The following CCDC88A variants were observed in gnomAD, a reference collection of about 807,000 sequenced individuals.
CCDC88A encodes coiled-coil and HOOK domain protein 88A, also known as girdin.
In CCDC88A, 54 loss-of-function variants were observed where a neutral mutation model predicts 234.3. That is an observed-to-expected ratio of 0.23 (90% confidence interval 0.19 to 0.29). The LOEUF (loss-of-function observed/expected upper bound fraction) is 0.29. CCDC88A is among the 10% of genes least tolerant of loss of function. The pLI, the probability that CCDC88A is intolerant of heterozygous loss-of-function variation, is 1.00. For missense variants in CCDC88A, 1,832 were observed against 2,123.4 expected, an observed-to-expected ratio of 0.86 and a Z score of 2.70; for synonymous variants, 753 against 737.8, an observed-to-expected ratio of 1.02 and a Z score of -0.33.
At chr2:55,346,371 T>C in intron 9 of CCDC88A, 38 bp from the exon 10 acceptor site, 2 of 1,177,540 alleles carry the variant, frequency 1.7e-6, no homozygotes, top group East Asian at 2.7e-5. Context: ...AATTATTTTC[T>C]GTTATCAACT....
rs747284825 is a variant in CCDC88A, at chr2:55,339,510, G to T, written c.1472C>A (p.Ser491Tyr). ...TTVDSVEGNA[S>Y]KILKMEKENQ... ...TTCTTTTTCCATTTTCAGGATTTTG[G>T]AAGCATTGCCTTCTACAGAATCCAC... The change falls in exon 13 of 33, where the codon TCC becomes TAC. Residue 491 changes from serine to tyrosine, a missense_variant. Coordinates refer to ENST00000436346, the MANE Select transcript of CCDC88A (RefSeq NM_001365480.1). 2.5e-6 allele frequency: 4 copies of T among 1,598,886 alleles called. No homozygotes were observed. Among genetic ancestry groups the T allele is most frequent in the Non-Finnish European group, 3.4e-6 (4 of 1,175,262 alleles).
chr2:55,293,101 T>A (rs1481785794), intron 31 of CCDC88A, among the ~76,000 whole-genome samples: 1 of 151,990 alleles, frequency 6.6e-6, no homozygotes, highest in African/African-American at 2.4e-5. Context: ...TGTAAAATAA[T>A]CACATAATTT....
intron 2 of CCDC88A, among the ~76,000 whole-genome samples, chr2:55,413,746 G>A (rs1209513001): frequency 1.3e-5 from 2 of 151,934 alleles, no homozygotes; most frequent in African/African-American, 2.4e-5. Context: ...TGGGTGGATC[G>A]CTTGAGACCA....
intron 25 of CCDC88A, among the ~76,000 whole-genome samples, chr2:55,307,311 TAAA>T (rs1468054784): frequency 1.3e-5 from 2 of 152,210 alleles, no homozygotes; most frequent in East Asian, 3.9e-4. Context: ...AAATTTGTAA[TAAA>T]AATTATATCA....
intron 7 of CCDC88A, among the ~76,000 whole-genome samples, chr2:55,360,746 T>G (rs1327837069): frequency 6.6e-6 from 1 of 152,204 alleles, no homozygotes; most frequent in Non-Finnish European, 1.5e-5. Context: ...TTTTTTGAGA[T>G]GTCCAGCCTG....
At chr2:55,303,930 G>C (rs62137094) in intron 25 of CCDC88A, among the ~76,000 whole-genome samples, 1 of 152,064 alleles carries the variant, frequency 6.6e-6, no homozygotes, top group African/African-American at 2.4e-5. Flanking sequence ...AAATAACTTA[G>C]GAAAATGCAC....
intron 2 of CCDC88A, among the ~76,000 whole-genome samples, chr2:55,413,984 GCAAA>G (rs1370987141): frequency 7.4e-5 from 11 of 149,194 alleles, no homozygotes; most frequent in South Asian, 2.1e-4. Flanking sequence ...AAAAAAACAA[GCAAA>G]CAAACAAACA....
Position 55,301,238 on chromosome 2 carries a change from C to CTT in CCDC88A, c.4711_4712insAA (p.Ser1571LysfsTer77). ...TCTTGATCCCGTACTAGAATCATCA[C>CTT]TAACACCTTGTGGACTTATGTCTTC... On this transcript the variant is annotated frameshift_variant, in exon 28 of 33. Coordinates refer to ENST00000436346, the MANE Select transcript of CCDC88A (RefSeq NM_001365480.1). LOFTEE classifies it high-confidence loss of function. 1 of 1,598,492 alleles carries CTT rather than the reference C, an allele frequency of 6.3e-7. No homozygotes were observed. Among genetic ancestry groups the CTT allele is most frequent in the Non-Finnish European group, 8.6e-7 (1 of 1,169,176 alleles).
In CCDC88A at chr2:55,336,759, A is replaced by G; in HGVS notation, c.1578T>C (p.Asn526=). 6.3e-7 allele frequency: 1 copy of G among 1,594,226 alleles called. No individual in the cohort carries two copies. The highest frequency in any genetic ancestry group is 8.6e-7 in the Non-Finnish European group (1 of 1,167,264). The part of the protein sequence containing the change: ...QEKQSLQNCQ[N]LSKDLMKEKA... ...TCTCCTTCATTAGATCCTTGCTTAA[A>G]TTCTGACAATTCTGAAGACTTTGCT... The change falls in exon 14 of 33, where the codon AAT becomes AAC. Residue 526 remains asparagine (N), a synonymous_variant. Transcript: ENST00000436346.
At chr2:55,402,869 CGTG>C (rs1176829002) in intron 2 of CCDC88A, among the ~76,000 whole-genome samples, 1 of 151,914 alleles carries the variant, frequency 6.6e-6, no homozygotes, top group Non-Finnish European at 1.5e-5. Flanking sequence ...ATTAGCCAGG[CGTG>C]GTGGTGGGCA....
In CCDC88A at chr2:55,295,882, G is replaced by A. The variant is rs750461819; in HGVS notation, c.5266C>T (p.Pro1756Ser). Residue 1756 changes from proline to serine, a missense_variant, in exon 31 of 33, where the codon CCT (proline) becomes TCT (serine). Physicochemically the swap from Pro to Ser is moderately conservative, Grantham distance 74. This residue lies in a region of CCDC88A where 422 missense variants were observed against 416.5 expected (regional missense o/e 1.01). Coordinates refer to ENST00000436346, the MANE Select transcript of CCDC88A (RefSeq NM_001365480.1). ...GTATCTTCAGTTTTTCGAGGACCAG[G>A]TCTCAAAAACTCAGGCTTAGTTGTC... ...RRTTKPEFLR[P>S]GPRKTEDTYF... The A allele has an allele frequency of 1.2e-6, 2 of 1,614,080 alleles. No homozygotes were observed. The highest frequency in any genetic ancestry group is 2.2e-5 in the South Asian group (2 of 91,074).
chr2:55,315,902 A>C (rs769411453), intron 22 of CCDC88A, 26 bp downstream of exon 22: 1 of 1,353,198 alleles, frequency 7.4e-7, no homozygotes, highest in Admixed American at 2.5e-5. Flanking sequence ...AATGAAGGAC[A>C]CAGTGATTAA....
Position 55,295,929 on chromosome 2 carries a change from G to C in CCDC88A, c.5219C>G (p.Pro1740Arg), listed in dbSNP as rs146278824. 13 of 1,614,064 alleles carry C rather than the reference G, an allele frequency of 8.1e-6. No homozygotes were observed. Among genetic ancestry groups the C allele is most frequent in the African/African-American group, 8.0e-5 (6 of 75,010 alleles). The change falls in exon 31 of 33, where the codon CCA becomes CGA. Residue 1740 changes from proline to arginine, a missense_variant. By Grantham distance (103) the Pro-to-Arg change is moderately radical. Coordinates refer to ENST00000436346, the MANE Select transcript of CCDC88A (RefSeq NM_001365480.1). The stretch of plus-strand genomic sequence containing the variant: ...TGTCCGTCTATCATAGAAGTCCCCT[G>C]GGGTTTTTCCACTTACTGACCTGGC... ...GLARSVSGKTPGDFYDRRTTK... is the reference protein window; with the variant it reads ...GLARSVSGKTRGDFYDRRTTK...
rs569680303 is a variant in CCDC88A, at chr2:55,291,137, A to G, written c.*63T>C. On this transcript the variant is annotated 3_prime_UTR_variant, in exon 33 of 33. Coordinates refer to ENST00000436346, the MANE Select transcript of CCDC88A (RefSeq NM_001365480.1). ...GTTACTTCAGAAATAAAGGCTTCAT[A>G]CTGAGAAACTGAAGGACACTTTTCT... 1 of 152,704 alleles carries G rather than the reference A, an allele frequency of 6.5e-6. No homozygotes were observed. Among genetic ancestry groups the G allele is most frequent in the South Asian group, 2.1e-4 (1 of 4,828 alleles). The allele number at this position is 152,704 out of a possible 1,614,324, so 9.5% of individuals were successfully genotyped here.
At chr2:55,369,489 T>C (rs1672518560) in intron 5 of CCDC88A, among the ~76,000 whole-genome samples, 1 of 147,982 alleles carries the variant, frequency 6.8e-6, no homozygotes, top group Non-Finnish European at 1.5e-5. Context: ...TCTTGCTCTG[T>C]CGCCCAGGCT....
chr2:55,396,634 G>A (rs970656605), intron 2 of CCDC88A, among the ~76,000 whole-genome samples: 2 of 152,134 alleles, frequency 1.3e-5, no homozygotes, highest in African/African-American at 2.4e-5. Flanking sequence ...ACTTTGGGAG[G>A]CTGAGGCGGG....
At chr2:55,413,260 T>C (rs190220786) in intron 2 of CCDC88A, among the ~76,000 whole-genome samples, 148 of 152,186 alleles carry the variant, frequency 9.7e-4, no homozygotes, top group African/African-American at 3.4e-3. Context: ...ATGATTTACT[T>C]GAGGAGCCAT....
At chr2:55,295,416 G>A (rs748227121) in intron 31 of CCDC88A, 181 bp downstream of exon 31, 1 of 1,549,520 alleles carries the variant, frequency 6.5e-7, no homozygotes. Context: ...TGCATCACTA[G>A]GCATCCTAAT....
intron 6 of CCDC88A, 45 bp from the exon 7 acceptor site, chr2:55,362,493 AC>A: frequency 1.3e-6 from 2 of 1,549,670 alleles, no homozygotes; most frequent in Non-Finnish European, 1.7e-6. Context: ...AGTGGCTAAT[AC>A]TTAAAAATCT....
Sources: allele counts gnomAD v4.1 joint callset (sites outside exome capture counted in the v4.1 genomes callset), GRCh38; gene constraint gnomAD v4.1.1; regional missense constraint gnomAD v4.1.1; transcripts MANE v1.5; gene names NCBI Gene and HGNC (gene_info 2026-07-23, HGNC 2026-07-21).